The following TOX variants were observed in gnomAD, a reference collection of about 807,000 sequenced individuals.
TOX encodes thymocyte selection associated high mobility group box.
In TOX, 11 loss-of-function variants were observed where a neutral mutation model predicts 53.7. That is an observed-to-expected ratio of 0.20 (90% CI 0.13 to 0.34). The LOEUF is 0.34. Among genes scored for constraint, TOX ranks in the 10% least tolerant of loss-of-function variants. The probability of loss-of-function intolerance (pLI) is 1.00; values close to 1 mark genes in which losing one functional copy is unlikely to be tolerated. For missense variants in TOX, 570 were observed against 664.6 expected (o/e 0.86, Z 1.56); for synonymous variants, 225 against 245.3 (o/e 0.92, Z 0.77).
At chr8:59,054,278 A>G (rs999318545) in intron 1 of TOX, among the ~76,000 whole-genome samples, 1 of 152,230 alleles carries the variant, frequency 6.6e-6, no homozygotes, top group East Asian at 1.9e-4. Flanking sequence ...GGTCATTAGC[A>G]TATAGGGATC....
chr8:58,976,868 G>C (rs1450313030), intron 1 of TOX, among the ~76,000 whole-genome samples: 4 of 152,210 alleles, frequency 2.6e-5, no homozygotes, highest in Non-Finnish European at 4.4e-5. Flanking sequence ...GGTCTCAACA[G>C]TGGGCTTAAA....
chr8:58,959,227 G>A (rs904475316), intron 2 of TOX, among the ~76,000 whole-genome samples: 1 of 152,178 alleles, frequency 6.6e-6, no homozygotes, highest in Non-Finnish European at 1.5e-5. Context: ...TCCAAGGGCA[G>A]TTATAATTTG....
At chr8:58,863,949 A>AT (rs1422906389) in intron 3 of TOX, among the ~76,000 whole-genome samples, 1 of 151,850 alleles carries the variant, frequency 6.6e-6, no homozygotes, top group East Asian at 1.9e-4. Context: ...CATTGCATTA[A>AT]AATTGCAGTG....
At chr8:58,978,808 A>G (rs998036087) in intron 1 of TOX, among the ~76,000 whole-genome samples, 3 of 152,220 alleles carry the variant, frequency 2.0e-5, no homozygotes, top group African/African-American at 4.8e-5. Context: ...ATGGATTCCA[A>G]CAAATGTACA....
At chr8:59,036,582 G>A (rs1814462696) in intron 1 of TOX, among the ~76,000 whole-genome samples, 1 of 152,190 alleles carries the variant, frequency 6.6e-6, no homozygotes, top group Non-Finnish European at 1.5e-5. Context: ...GTTAATCTAT[G>A]TGTAATGGTG....
chr8:58,908,409 C>T (rs1811855407), intron 3 of TOX, among the ~76,000 whole-genome samples: 1 of 152,206 alleles, frequency 6.6e-6, no homozygotes, highest in East Asian at 1.9e-4. Context: ...ATCTCCCAAA[C>T]CTGCTGTTCT....
intron 6 of TOX, among the ~76,000 whole-genome samples, chr8:58,817,529 C>T (rs1053485635): frequency 1.3e-5 from 2 of 152,168 alleles, no homozygotes; most frequent in Non-Finnish European, 2.9e-5. Context: ...ACTACTTCCA[C>T]ATCAGAATAA....
At chr8:58,936,757 A>G (rs568230328) in intron 3 of TOX, among the ~76,000 whole-genome samples, 33 of 152,258 alleles carry the variant, frequency 2.2e-4, no homozygotes, top group African/African-American at 7.9e-4. Flanking sequence ...TAATCTCCAA[A>G]TCTTCTTTCT....
intron 3 of TOX, among the ~76,000 whole-genome samples, chr8:58,878,455 T>C (rs975580153): frequency 6.6e-6 from 1 of 152,236 alleles, no homozygotes; most frequent in African/African-American, 2.4e-5. Flanking sequence ...CATTGTTCTT[T>C]TTAAATCTGC....
chr8:58,877,746 T>C (rs754915787), intron 3 of TOX, among the ~76,000 whole-genome samples: 6 of 152,204 alleles, frequency 3.9e-5, no homozygotes, highest in Non-Finnish European at 5.9e-5. Context: ...AAAGCAAATA[T>C]GCAGTCGTGC....
At chr8:59,057,062 C>T (rs1037460825) in intron 1 of TOX, among the ~76,000 whole-genome samples, 2 of 152,182 alleles carry the variant, frequency 1.3e-5, no homozygotes, top group Non-Finnish European at 2.9e-5. Context: ...AGTGCTGTCT[C>T]CCAAGCTCAG....
At chr8:58,980,414 A>T (rs971833355) in intron 1 of TOX, among the ~76,000 whole-genome samples, 2 of 152,182 alleles carry the variant, frequency 1.3e-5, no homozygotes, top group Non-Finnish European at 2.9e-5. Context: ...ACTCTGAAAA[A>T]AAAAACTAAG....
chr8:59,029,859 T>C (rs1208028996), intron 1 of TOX, among the ~76,000 whole-genome samples: 2 of 152,182 alleles, frequency 1.3e-5, no homozygotes, highest in East Asian at 1.9e-4. Context: ...TTAATTCAGA[T>C]GTTCAGCCTA....
chr8:58,900,796 G>A (rs903303478), intron 3 of TOX, among the ~76,000 whole-genome samples: 2 of 152,058 alleles, frequency 1.3e-5, no homozygotes, highest in African/African-American at 4.8e-5. Flanking sequence ...AGATGAAGAT[G>A]TTTAGAAGAA....
intron 4 of TOX, among the ~76,000 whole-genome samples, chr8:58,840,894 C>G (rs1399112448): frequency 6.6e-6 from 1 of 152,160 alleles, no homozygotes; most frequent in East Asian, 1.9e-4. Context: ...GCCCTCTCTC[C>G]CACTGGTTCC....
At chr8:59,058,710 C>T (rs1029715613) in intron 1 of TOX, among the ~76,000 whole-genome samples, 3 of 152,134 alleles carry the variant, frequency 2.0e-5, no homozygotes, top group Non-Finnish European at 4.4e-5. Flanking sequence ...GGGTCTGATT[C>T]CCCAGGTTCC....
At chr8:58,949,828 A>T (rs1192058482) in intron 2 of TOX, among the ~76,000 whole-genome samples, 1 of 150,996 alleles carries the variant, frequency 6.6e-6, no homozygotes, top group Non-Finnish European at 1.5e-5. Context: ...CTATATGTAT[A>T]TAAAATATAT....
At chr8:58,959,747 T>C (rs1461532426) in intron 2 of TOX, among the ~76,000 whole-genome samples, 196 bp downstream of exon 2, 1 of 152,348 alleles carries the variant, frequency 6.6e-6, no homozygotes, top group South Asian at 2.1e-4. Context: ...CAAGGTAGTA[T>C]CTTTCAACAA....
intron 1 of TOX, among the ~76,000 whole-genome samples, chr8:59,056,146 C>T (rs896444064): frequency 6.6e-6 from 1 of 151,972 alleles, no homozygotes; most frequent in African/African-American, 2.4e-5. Context: ...CATACCGAAG[C>T]CAGGTGTGGT....
Sources: gnomAD v4.1 joint callset for allele counts (sites outside exome capture counted in the v4.1 genomes callset) on GRCh38, gnomAD v4.1.1 for gene constraint, MANE v1.5 for transcripts, NCBI Gene and HGNC (gene_info 2026-07-23, HGNC 2026-07-21) for gene names.